PSIP1: variants seen among roughly 807,000 people sequenced by gnomAD.
PSIP1 encodes the protein PC4 and SFRS1-interacting protein.
A neutral mutation model predicts 74.7 loss-of-function variants in PSIP1; 19 were observed. The observed-to-expected ratio is 0.25, with a 90% confidence interval of 0.18 to 0.37. The LOEUF (loss-of-function observed/expected upper bound fraction) is 0.37, where lower values mean the gene tolerates loss of function less well. Among genes scored for constraint, PSIP1 ranks in the 10% least tolerant of loss-of-function variants. The probability of loss-of-function intolerance (pLI) is 1.00; values close to 1 mark genes in which losing one functional copy is unlikely to be tolerated. For synonymous variants in PSIP1, 222 were observed against 195.3 expected (o/e 1.14, Z -1.14); for missense variants, 601 against 614.3 (o/e 0.98, Z 0.23).
chr9:15,508,704 T>C (rs2037712275), intron 2 of PSIP1, among the ~76,000 whole-genome samples: 1 of 152,202 alleles, frequency 6.6e-6, no homozygotes, highest in Non-Finnish European at 1.5e-5. Flanking sequence ...TCAGTTTCCC[T>C]AGGCTCCATT....
At chr9:15,507,924 A>C (rs761441615) in intron 2 of PSIP1, among the ~76,000 whole-genome samples, 1 of 152,188 alleles carries the variant, frequency 6.6e-6, no homozygotes, top group Non-Finnish European at 1.5e-5. Flanking sequence ...TGAAGATCAC[A>C]CCTGTTATCT....
intron 10 of PSIP1, among the ~76,000 whole-genome samples, chr9:15,470,451 T>G (rs934067550): frequency 2.0e-5 from 3 of 152,018 alleles, no homozygotes; most frequent in Non-Finnish European, 4.4e-5. Context: ...TTTTGGCCAA[T>G]TCATCAAACT....
intron 8 of PSIP1, among the ~76,000 whole-genome samples, chr9:15,476,182 G>A (rs957331365): frequency 6.6e-6 from 1 of 152,164 alleles, no homozygotes; most frequent in Non-Finnish European, 1.5e-5. Context: ...CGCACAGCAT[G>A]AATAAGAAAT....
chr9:15,473,096 T>G (rs1193957617), intron 9 of PSIP1, among the ~76,000 whole-genome samples: 2 of 152,138 alleles, frequency 1.3e-5, no homozygotes, highest in African/African-American at 2.4e-5. Context: ...TCTAAAAGAT[T>G]AAGAAATGAG....
At chr9:15,474,262 A>G (rs2035979074) in intron 8 of PSIP1, 25 bp from the exon 9 acceptor site, 1 of 1,541,158 alleles carries the variant, frequency 6.5e-7, no homozygotes, top group Non-Finnish European at 8.8e-7. Flanking sequence ...ATAACAATGT[A>G]TACTTGTCAT....
chr9:15,502,263 G>C (rs1212164174), intron 3 of PSIP1, among the ~76,000 whole-genome samples: 1 of 151,922 alleles, frequency 6.6e-6, no homozygotes, highest in Non-Finnish European at 1.5e-5. Flanking sequence ...TTGCATTAAG[G>C]TAATAATGAC....
chr9:15,488,819 A>C (rs559081534), intron 4 of PSIP1, among the ~76,000 whole-genome samples: 1 of 152,122 alleles, frequency 6.6e-6, no homozygotes, highest in Non-Finnish European at 1.5e-5. Flanking sequence ...CAGGAGATCG[A>C]GACCATCCTG....
At chr9:15,487,043 G>C (rs2036587105) in intron 4 of PSIP1, 112 bp from the exon 5 acceptor site, 1 of 610,170 alleles carries the variant, frequency 1.6e-6, no homozygotes, top group Non-Finnish European at 2.5e-6. Flanking sequence ...CTATCACCCA[G>C]GCTGGAGGCA....
At position 15,497,349 on chromosome 9, in the gene PSIP1, A is replaced by T. The variant is rs1370114747; in HGVS notation, c.150-7225T>A. Among the ~76,000 whole-genome samples the T allele has an allele frequency of 3.2e-5, 3 of 94,340 alleles. No homozygotes were observed. The South Asian group carries it at 9.7e-4, about 31-fold the overall frequency. The allele number at this position is 94,340 out of a possible 152,430, so 61.9% of individuals were successfully genotyped here. On this transcript the variant is annotated intron_variant, in intron 3 of 15. Coordinates refer to ENST00000380733, the MANE Select transcript of PSIP1 (RefSeq NM_033222.5). ...CCTTTTTTTTTTTTTTTTGAGACAG[A>T]GTCTTGCTCTGTCACTCAGGCTGGA... is the stretch of plus-strand genomic sequence containing the variant.
chr9:15,468,885 T>G, intron 13 of PSIP1, 42 bp from the exon 14 acceptor site: 1 of 1,604,988 alleles, frequency 6.2e-7, no homozygotes, highest in South Asian at 1.1e-5. Context: ...TTTTCCTAAT[T>G]GATTTTTTAA....
In PSIP1 at chr9:15,464,141, G is replaced by GT. The variant is rs1315643977; in HGVS notation, c.*1378dup. 1 of 183,358 alleles carries GT rather than the reference G, an allele frequency of 5.5e-6. No individual in the cohort carries two copies. Among genetic ancestry groups the GT allele is most frequent in the East Asian group, 8.9e-5 (1 of 11,220 alleles). 11.4% of individuals were successfully genotyped at this position (183,358 alleles called of 1,614,324 possible). Reference sequence around the variant, plus strand: ...GCTTAACTAGAATAAATCTAAGTAAGTTAAAACTGTATAAGGACCAAACAG... The same window carrying GT: ...GCTTAACTAGAATAAATCTAAGTAAGTTTAAAACTGTATAAGGACCAAACAG... On this transcript the variant is annotated 3_prime_UTR_variant, in exon 16 of 16. Transcript: ENST00000380733.
At chr9:15,472,473 AATAAGATCATCATCAT>A in intron 10 of PSIP1, 143 bp downstream of exon 10, 2 of 1,399,258 alleles carry the variant, frequency 1.4e-6, no homozygotes, top group Non-Finnish European at 9.2e-7. Flanking sequence ...TGAAGCCTGA[AATAAGATCATCATCAT>A]ATATTGAAGA....
At chr9:15,490,519 C>A (rs2036778974) in intron 3 of PSIP1, among the ~76,000 whole-genome samples, 1 of 151,868 alleles carries the variant, frequency 6.6e-6, no homozygotes, top group Admixed American at 6.6e-5. Context: ...CCCATCTCTA[C>A]TAAAAATACA....
At position 15,486,068 on chromosome 9, in the gene PSIP1, C is replaced by T. The variant is rs1302608555; in HGVS notation, c.394G>A (p.Asp132Asn). The T allele has an allele frequency of 8.2e-6, 13 of 1,594,940 alleles. No individual in the cohort carries two copies. The highest frequency in any genetic ancestry group is 1.0e-5 in the Non-Finnish European group (12 of 1,169,470). ...TDHEEKASNE[D>N]VTKAVDITTP... ...GTTATGTCAACTGCTTTAGTCACATCCTAAAAAAGAAAAAAGAAAACTGAA... is the reference window on the plus strand; with the variant it reads ...GTTATGTCAACTGCTTTAGTCACATTCTAAAAAAGAAAAAAGAAAACTGAA... The change falls in exon 6 of 16, where the codon GAT becomes AAT. Residue 132 changes from aspartate to asparagine, a missense_variant and splice_region_variant. This residue lies in a region of PSIP1 where 538 missense variants were observed against 507.6 expected (regional missense o/e 1.06). Coordinates refer to ENST00000380733, the MANE Select transcript of PSIP1 (RefSeq NM_033222.5).
At chr9:15,479,513 A>G in intron 7 of PSIP1, 78 bp downstream of exon 7, 1 of 1,138,960 alleles carries the variant, frequency 8.8e-7, no homozygotes, top group Non-Finnish European at 1.2e-6. Flanking sequence ...ATTCCAAAAT[A>G]TTTGAGGCAG....
At chr9:15,473,160 C>A (rs896800979) in intron 9 of PSIP1, among the ~76,000 whole-genome samples, 2 of 152,182 alleles carry the variant, frequency 1.3e-5, no homozygotes, top group African/African-American at 4.8e-5. Context: ...ATCTGTAAAT[C>A]TCTAAGGCTA....
chr9:15,470,637 T>G (rs2132040979), intron 10 of PSIP1: 1 of 946,212 alleles, frequency 1.1e-6, no homozygotes, highest in Non-Finnish European at 1.3e-6. Context: ...AAAATCAGGT[T>G]TTTTTTTTAA....
chr9:15,477,199 T>G (rs183352096), intron 8 of PSIP1, among the ~76,000 whole-genome samples: 1 of 152,162 alleles, frequency 6.6e-6, no homozygotes, highest in East Asian at 1.9e-4. Flanking sequence ...TGTTGTATTT[T>G]TCTGCCACTA....
chr9:15,471,045 T>C (rs1261274050), intron 10 of PSIP1: 1 of 1,450,562 alleles, frequency 6.9e-7, no homozygotes, highest in Non-Finnish European at 9.1e-7. Flanking sequence ...AATAATGAAG[T>C]CCTCAATTTA....
Sources: gnomAD v4.1 joint callset for allele counts (sites outside exome capture counted in the v4.1 genomes callset) on GRCh38, gnomAD v4.1.1 for gene constraint, gnomAD v4.1.1 regional missense constraint, MANE v1.5 for transcripts, NCBI Gene and HGNC (gene_info 2026-07-23, HGNC 2026-07-21) for gene names.